Variants in TNRC6C observed in about 807,000 individuals in gnomAD.
TNRC6C encodes the protein trinucleotide repeat containing adaptor 6C.
In TNRC6C, 20 loss-of-function variants were observed where a neutral mutation model predicts 153.7. The observed-to-expected ratio is 0.13, with a 90% confidence interval of 0.09 to 0.19. The LOEUF (loss-of-function observed/expected upper bound fraction) is 0.19. Ranked by LOEUF, TNRC6C falls within the 10% of genes least tolerant of loss-of-function variation. The probability of loss-of-function intolerance (pLI) is 1.00; values close to 1 mark genes in which losing one functional copy is unlikely to be tolerated. For missense variants in TNRC6C, 1,987 were observed against 2,172.0 expected, an observed-to-expected ratio of 0.91 and a Z score of 1.69; for synonymous variants, 811 against 841.4, an observed-to-expected ratio of 0.96 and a Z score of 0.63.
At position 78,079,641 on chromosome 17, in the gene TNRC6C, G is replaced by T. The variant is rs867731748; in HGVS notation, c.3357+100G>T. The T allele has an allele frequency of 6.9e-7, 1 of 1,449,398 alleles. No individual in the cohort carries two copies. Among genetic ancestry groups the T allele is most frequent in the Admixed American group, 2.1e-5 (1 of 48,092 alleles). 89.8% of individuals were successfully genotyped at this position (1,449,398 alleles called of 1,614,324 possible). ...GAAGTCACTATTTTAAAGTGAGAGC[G>T]GAGTTAATCCATGTTTAAGAGAAGG... On this transcript the variant is annotated intron_variant, in intron 10 of 19. Coordinates refer to ENST00000301624, the Ensembl canonical transcript of TNRC6C. This position sits in a 1 kb window ranked among gnomAD's most constrained non-coding sequence, Gnocchi z 4.3.
intron 1 of TNRC6C, among the ~76,000 whole-genome samples, chr17:78,027,661 C>T (rs577201415): frequency 1.3e-5 from 2 of 152,252 alleles, no homozygotes; most frequent in South Asian, 4.1e-4. Context: ...CCTTGCATTG[C>T]CTCTCTGACC....
At chr17:78,038,975 G>A (rs2072237050) in intron 2 of TNRC6C, among the ~76,000 whole-genome samples, 1 of 151,904 alleles carries the variant, frequency 6.6e-6, no homozygotes, top group Non-Finnish European at 1.5e-5. Flanking sequence ...GGAGGCATGT[G>A]GCAGGATTTA....
intron 3 of TNRC6C, among the ~76,000 whole-genome samples, chr17:78,057,016 G>A (rs1194239344): frequency 6.6e-6 from 1 of 152,094 alleles, no homozygotes; most frequent in Admixed American, 6.6e-5. Context: ...GCATGCGTGT[G>A]CTCTTTGTAG....
chr17:77,964,271 CTA>C (rs1467882390), intron 1 of TNRC6C, among the ~76,000 whole-genome samples: 1 of 152,210 alleles, frequency 6.6e-6, no homozygotes, highest in Non-Finnish European at 1.5e-5. Context: ...AATTAATACT[CTA>C]TTGTATCTTT....
At chr17:78,048,747 G>A (rs2072459690) in intron 2 of TNRC6C, 98 bp from the exon 5 acceptor site, 1 of 1,136,324 alleles carries the variant, frequency 8.8e-7, no homozygotes, top group East Asian at 3.2e-5. Context: ...CAGATTTGAA[G>A]ACTTGAAATA....
upstream of TNRC6C, among the ~76,000 whole-genome samples, chr17:77,959,078 C>T (rs1045601848): frequency 2.1e-5 from 3 of 144,422 alleles, no homozygotes; most frequent in Non-Finnish European, 3.1e-5. Flanking sequence ...GCCGCCCACT[C>T]GCCCGCGCCG....
At chr17:78,098,364 C>T (rs1251412542) in exon 17 of TNRC6C, 10 of 1,611,936 alleles carry the variant, frequency 6.2e-6, no homozygotes, top group East Asian at 4.5e-5. Flanking sequence ...GACATCAAAT[C>T]GACGTGGTCC....
chr17:78,049,685 G>T lies in TNRC6C; in HGVS notation c.623G>T (p.Trp208Leu). The change falls in exon 3 of 20, where the codon TGG (tryptophan) becomes TTG (leucine). Residue 208 changes from tryptophan (W) to leucine (L), a missense_variant. Physicochemically the swap from Trp to Leu is moderately conservative, Grantham distance 61. Transcript: ENST00000301624. This position sits in a 1 kb window ranked among gnomAD's most constrained non-coding sequence, Gnocchi z 4.1. ...ATGCAGACAAATGGACTGCCAAACT[G>T]GGGCATGGCTGTTGGTATGGGGGCC... 1.2e-6 allele frequency: 2 copies of T among 1,609,476 alleles called. No individual in the cohort carries two copies. The highest frequency in any genetic ancestry group is 1.7e-6 in the Non-Finnish European group (2 of 1,176,456).
chr17:77,968,090 G>A (rs1047746605), intron 1 of TNRC6C, among the ~76,000 whole-genome samples: 1 of 152,154 alleles, frequency 6.6e-6, no homozygotes, highest in Non-Finnish European at 1.5e-5. Flanking sequence ...CTGGAGTGCT[G>A]TGGCATGGTC....
At chr17:78,013,940 A>C (rs1285334950) in intron 1 of TNRC6C, among the ~76,000 whole-genome samples, 6 of 152,158 alleles carry the variant, frequency 3.9e-5, no homozygotes, top group African/African-American at 1.4e-4. Flanking sequence ...TGCCTAAGAG[A>C]ATAAGAAGGC....
At chr17:78,037,198 A>G (rs558085877) in intron 2 of TNRC6C, among the ~76,000 whole-genome samples, 10 of 152,244 alleles carry the variant, frequency 6.6e-5, no homozygotes, top group African/African-American at 2.4e-4. Context: ...TTCTTCCTAT[A>G]TGAGAATGTT....
chr17:77,998,451 G>T (rs1350838736), intron 1 of TNRC6C, among the ~76,000 whole-genome samples: 1 of 151,936 alleles, frequency 6.6e-6, no homozygotes, highest in Non-Finnish European at 1.5e-5. Context: ...CCACCTCTGG[G>T]CCTCCAGTGA....
chr17:77,965,967 A>G (rs1360897720), intron 1 of TNRC6C, among the ~76,000 whole-genome samples: 1 of 152,206 alleles, frequency 6.6e-6, no homozygotes, highest in Non-Finnish European at 1.5e-5. Flanking sequence ...TTCAGAAAGG[A>G]AGAGTGCCTG....
chr17:78,093,581 G>A (rs1567964513), intron 15 of TNRC6C, 39 bp from the exon 18 acceptor site: 2 of 1,611,366 alleles, frequency 1.2e-6, no homozygotes, highest in Non-Finnish European at 1.7e-6. Context: ...ATGTGCCGGT[G>A]TTCTGATCTG....
intron 5 of TNRC6C, among the ~76,000 whole-genome samples, chr17:78,070,259 G>A (rs1039862880): frequency 6.6e-6 from 1 of 152,188 alleles, no homozygotes; most frequent in African/African-American, 2.4e-5. Context: ...TGGCAGCATA[G>A]TAATGATTGA....
chr17:78,032,941 A>G (rs1027108891), intron 2 of TNRC6C, among the ~76,000 whole-genome samples: 13 of 152,250 alleles, frequency 8.5e-5, no homozygotes, highest in African/African-American at 3.1e-4. Flanking sequence ...AAAGCAAGGC[A>G]GAAAAGATAA....
At chr17:78,029,063 T>A (rs2072004672) in intron 1 of TNRC6C, among the ~76,000 whole-genome samples, 1 of 152,212 alleles carries the variant, frequency 6.6e-6, no homozygotes, top group Non-Finnish European at 1.5e-5. Context: ...TACTATGAGA[T>A]CTTTGTTTAT....
chr17:78,061,215 T>C (rs931297342), intron 3 of TNRC6C, among the ~76,000 whole-genome samples: 21 of 152,320 alleles, frequency 1.4e-4, no homozygotes, highest in Non-Finnish European at 2.6e-4. Flanking sequence ...TTAATATCAG[T>C]ATTTTAAATG....
chr17:78,059,200 A>T (rs1369757520), intron 3 of TNRC6C, among the ~76,000 whole-genome samples: 1 of 152,218 alleles, frequency 6.6e-6, no homozygotes, highest in Non-Finnish European at 1.5e-5. Flanking sequence ...AGCTGTTTTC[A>T]CATAACTTCG....
Sources: gnomAD v4.1 joint callset for allele counts (sites outside exome capture counted in the v4.1 genomes callset) on GRCh38, gnomAD v4.1.1 for gene constraint, Gnocchi (gnomAD v3.1) non-coding constraint, MANE v1.5 for transcripts, NCBI Gene and HGNC (gene_info 2026-07-23, HGNC 2026-07-21) for gene names.